Variants in FAAH2 observed in about 807,000 individuals in gnomAD.
The protein encoded by FAAH2 is fatty-acid amide hydrolase 2.
FAAH2 carries 60 observed loss-of-function variants against 36.9 expected under a neutral mutation model. The observed-to-expected ratio is 1.63, with a 90% CI of 1.32 to 2.02. The LOEUF (loss-of-function observed/expected upper bound fraction) is 2.02. Ranked by LOEUF, FAAH2 falls within the 30% of genes most tolerant of loss-of-function variation. The probability of loss-of-function intolerance (pLI) is 0.00; values close to 1 mark genes in which losing one functional copy is unlikely to be tolerated. For synonymous variants in FAAH2, 214 were observed against 143.8 expected, an observed-to-expected ratio of 1.49 and a Z score of -3.49; for missense variants, 689 against 397.5, an observed-to-expected ratio of 1.73 and a Z score of -6.23.
At chrX:57,469,489 A>G (rs959881766) in intron 10 of FAAH2, among the ~76,000 whole-genome samples, 1 of 111,877 alleles carries the variant, frequency 8.9e-6, no homozygotes, top group African/African-American at 3.3e-5. Flanking sequence ...ACAAACATCA[A>G]AAGAGACAAA....
At chrX:57,406,032 C>T (rs2055560024) in intron 7 of FAAH2, among the ~76,000 whole-genome samples, 1 of 109,865 alleles carries the variant, frequency 9.1e-6, no homozygotes, top group Admixed American at 9.8e-5. Context: ...TATTGTACTG[C>T]CAGAGTTCTT....
In FAAH2 at chrX:57,294,597, T is replaced by C. The variant is rs144474414; in HGVS notation, c.275+2017T>C. ...ATCATGTCAAACTTGTTTTCCTTCA[T>C]ATCCTATTCTAATCGTACGGAACTA... is the stretch of plus-strand genomic sequence containing the variant. On this transcript the variant is annotated intron_variant, in intron 2 of 10. Coordinates refer to ENST00000374900, the MANE Select transcript of FAAH2 (RefSeq NM_174912.4). 3.1e-3 allele frequency among the ~76,000 whole-genome samples: 345 copies of C among 112,189 alleles called. 1 individual carries two copies. Among genetic ancestry groups the C allele is most frequent in the African/African-American group, 0.011 (333 of 30,913 alleles).
intron 10 of FAAH2, among the ~76,000 whole-genome samples, chrX:57,455,008 C>A (rs2056843580): frequency 9.0e-6 from 1 of 111,097 alleles, no homozygotes; most frequent in Admixed American, 9.6e-5. Context: ...ATCAGATTCA[C>A]CAAGATCAAC....
intron 7 of FAAH2, chrX:57,394,090 A>T: frequency 1.4e-6 from 1 of 723,467 alleles, no homozygotes; most frequent in South Asian, 2.1e-5. Flanking sequence ...CAAGGTTATT[A>T]GATACAGTGA....
rs2056371005 is a variant in FAAH2 at position 57,434,554 on chromosome X, C to A, written c.1116+2517C>A. ...TTCCAAAGACCAAGCAGAAGGAAGA[C>A]TCTCGAAATATGAAGACACATCTTT... is the stretch of plus-strand genomic sequence containing the variant. On this transcript the variant is annotated intron_variant, in intron 8 of 10. Transcript: ENST00000374900. Among the ~76,000 whole-genome samples the A allele has an allele frequency of 2.7e-5, 3 of 109,162 alleles. No homozygotes were observed. The Admixed American group carries it at 3.0e-4, about 11-fold the overall frequency. 94.8% of individuals were successfully genotyped at this position (109,162 alleles called of 115,157 possible).
At chrX:57,128,047 C>T in the FAAH2 span, among the ~76,000 whole-genome samples, 2 of 111,642 alleles carry the variant, frequency 1.8e-5, no homozygotes, top group South Asian at 7.4e-4. Context: ...TCAAGATTTT[C>T]CCCCAGCTAT....
the FAAH2 span, among the ~76,000 whole-genome samples, chrX:57,200,177 T>A: frequency 1.8e-5 from 2 of 110,193 alleles, no homozygotes; most frequent in Non-Finnish European, 3.8e-5. Flanking sequence ...TTTCCTGCCT[T>A]TTTTTTAATG....
chrX:57,245,551 A>G, the FAAH2 span, among the ~76,000 whole-genome samples: 1 of 112,481 alleles, frequency 8.9e-6, no homozygotes, highest in East Asian at 2.8e-4. Context: ...AGGGTAATCA[A>G]ATTAGAACTC....
intron 7 of FAAH2, among the ~76,000 whole-genome samples, chrX:57,405,992 G>A (rs1044100127): frequency 9.1e-5 from 10 of 109,379 alleles, no homozygotes; most frequent in Non-Finnish European, 1.5e-4. Flanking sequence ...AGATATTGAT[G>A]TCCTTTGGGG....
chrX:57,303,119 T>C (rs1261313465), intron 2 of FAAH2, among the ~76,000 whole-genome samples: 2 of 111,600 alleles, frequency 1.8e-5, no homozygotes, highest in African/African-American at 6.5e-5. Flanking sequence ...CTACCTTTTC[T>C]CCATCCTTGG....
chrX:57,471,886 A>G (rs1163459288), intron 10 of FAAH2, among the ~76,000 whole-genome samples: 1 of 111,896 alleles, frequency 8.9e-6, no homozygotes, highest in Non-Finnish European at 1.9e-5. Flanking sequence ...TGCTGGTACC[A>G]AAACATAGAT....
chrX:57,238,852 G>A, the FAAH2 span, among the ~76,000 whole-genome samples: 4 of 110,853 alleles, frequency 3.6e-5, no homozygotes, highest in Admixed American at 9.6e-5. Context: ...TTGTGTACAC[G>A]TGTATTCAAT....
At chrX:57,369,963 G>T (rs766309797) in intron 5 of FAAH2, among the ~76,000 whole-genome samples, 2 of 111,826 alleles carry the variant, frequency 1.8e-5, no homozygotes, top group African/African-American at 6.5e-5. Flanking sequence ...AATCTAGAAT[G>T]TATGTGACCA....
At chrX:57,240,588 A>G in the FAAH2 span, among the ~76,000 whole-genome samples, 1 of 112,250 alleles carries the variant, frequency 8.9e-6, no homozygotes, top group Non-Finnish European at 1.9e-5. Flanking sequence ...AAGTGCACAC[A>G]GTCTCCACTG....
At chrX:57,247,338 G>T in the FAAH2 span, among the ~76,000 whole-genome samples, 2 of 111,610 alleles carry the variant, frequency 1.8e-5, no homozygotes, top group Non-Finnish European at 3.8e-5. Flanking sequence ...GATCAAACAG[G>T]CTTCCACTCA....
the FAAH2 span, among the ~76,000 whole-genome samples, chrX:57,180,033 A>T: frequency 8.9e-6 from 1 of 112,316 alleles, no homozygotes; most frequent in African/African-American, 3.2e-5. Flanking sequence ...AAATAATGAA[A>T]TTAGGCAGGT....
rs562330949 is a variant in FAAH2, at chrX:57,480,471, G to T, written c.1424-8286G>T. On this transcript the variant is annotated intron_variant, in intron 10 of 10. Transcript: ENST00000374900. ...TCTCAGTATTTGTTTGTCTTTGAAA[G>T]ATTTTATTTCTCCTTCCCTTATGAA... is the stretch of plus-strand genomic sequence containing the variant. 2.7e-5 allele frequency among the ~76,000 whole-genome samples: 3 copies of T among 111,893 alleles called. No individual in the cohort carries two copies. In the East Asian group the frequency reaches 8.5e-4, roughly 32 times the overall value.
intron 3 of FAAH2, among the ~76,000 whole-genome samples, chrX:57,313,348 C>T (rs1051426221): frequency 1.8e-5 from 2 of 108,615 alleles, no homozygotes; most frequent in African/African-American, 6.7e-5. Flanking sequence ...ACACCAGTCT[C>T]GGTGAAGAGG....
At chrX:57,241,223 T>A in the FAAH2 span, among the ~76,000 whole-genome samples, 1 of 112,316 alleles carries the variant, frequency 8.9e-6, no homozygotes, top group East Asian at 2.8e-4. Context: ...AAGATGTAAA[T>A]GTAAAACCAA....
Sources: gnomAD v4.1 joint callset for allele counts (sites outside exome capture counted in the v4.1 genomes callset) on GRCh38, gnomAD v4.1.1 for gene constraint, MANE v1.5 for transcripts, NCBI Gene and HGNC (gene_info 2026-07-23, HGNC 2026-07-21) for gene names.